SNTG2: variants seen among roughly 807,000 people sequenced by gnomAD.
The protein encoded by SNTG2 is gamma-2-syntrophin.
SNTG2 carries 74 observed loss-of-function variants against 70.9 expected under a neutral mutation model. That is an observed-to-expected ratio of 1.04 (90% CI 0.86 to 1.27). SNTG2 has a LOEUF of 1.27. Among genes scored for constraint, SNTG2 ranks in the 50% most tolerant of loss-of-function variants. SNTG2 has a pLI of 0.00. For missense variants in SNTG2, 717 were observed against 690.7 expected, an observed-to-expected ratio of 1.04 and a Z score of -0.43; for synonymous variants, 278 against 273.8, an observed-to-expected ratio of 1.02 and a Z score of -0.15.
chr2:1,000,971 A>G (rs1453527766), intron 1 of SNTG2, among the ~76,000 whole-genome samples: 2 of 152,046 alleles, frequency 1.3e-5, no homozygotes, highest in Admixed American at 6.6e-5. Context: ...GGTATATGCA[A>G]ATCAACAAAT....
chr2:1,276,212 A>G (rs1679257468), intron 14 of SNTG2, among the ~76,000 whole-genome samples: 1 of 152,242 alleles, frequency 6.6e-6, no homozygotes, highest in Non-Finnish European at 1.5e-5. Context: ...AGGAGGCTAC[A>G]CTAAACAATA....
chr2:1,281,067 T>C (rs1679489513), intron 14 of SNTG2, among the ~76,000 whole-genome samples: 1 of 152,128 alleles, frequency 6.6e-6, no homozygotes, highest in Non-Finnish European at 1.5e-5. Context: ...TCAAGTGTCT[T>C]AGGGGTGAGT....
intron 7 of SNTG2, among the ~76,000 whole-genome samples, chr2:1,171,274 G>A (rs28719590): frequency 0.32 from 48,363 of 151,974 alleles, 8,270 homozygotes; most frequent in East Asian, 0.66. Context: ...GAGTGGAAGC[G>A]TGACTGTCAA....
At chr2:1,198,446 AG>A (rs1158696315) in intron 8 of SNTG2, among the ~76,000 whole-genome samples, 1 of 152,024 alleles carries the variant, frequency 6.6e-6, no homozygotes, top group African/African-American at 2.4e-5. Context: ...ATAACAAATA[AG>A]AGACACACAT....
chr2:1,092,463 G>T (rs1356266249), intron 2 of SNTG2, among the ~76,000 whole-genome samples: 1 of 152,218 alleles, frequency 6.6e-6, no homozygotes, highest in East Asian at 1.9e-4. Context: ...AAACCTGGGG[G>T]CAGGGTCCTG....
At chr2:1,164,387 G>T (rs1371100953) in intron 6 of SNTG2, among the ~76,000 whole-genome samples, 7 of 111,980 alleles carry the variant, frequency 6.3e-5, no homozygotes. Context: ...TAGAGGAGAG[G>T]GCGAGGTGGG....
rs139009143 is a variant in SNTG2 at position 1,209,058 on chromosome 2, C to A, written c.592-45C>A. The A allele has an allele frequency of 1.8e-4, 286 of 1,602,930 alleles. 4 individuals carry two copies. In the East Asian group the frequency reaches 6.4e-3, roughly 36 times the overall value. ...TGCAGATGCCTCTCCCCGCATGCAG[C>A]CTCCTCTGCCTCTGTGACGCTTCAT... On this transcript the variant is annotated intron_variant, in intron 8 of 16. Coordinates refer to ENST00000308624, the MANE Select transcript of SNTG2 (RefSeq NM_018968.4).
At chr2:983,926 C>T (rs986673632) in intron 1 of SNTG2, among the ~76,000 whole-genome samples, 1 of 152,198 alleles carries the variant, frequency 6.6e-6, no homozygotes, top group East Asian at 1.9e-4. Context: ...TCGGGCTCCA[C>T]ACAGCATGGC....
At chr2:1,169,669 G>A (rs1369239969) in intron 7 of SNTG2, among the ~76,000 whole-genome samples, 1 of 152,170 alleles carries the variant, frequency 6.6e-6, no homozygotes, top group African/African-American at 2.4e-5. Context: ...AGGCTCCGGG[G>A]TCCATTGCCA....
chr2:1,124,524 T>C (rs1206078181), intron 4 of SNTG2, among the ~76,000 whole-genome samples: 1 of 151,946 alleles, frequency 6.6e-6, no homozygotes, highest in Non-Finnish European at 1.5e-5. Flanking sequence ...TCTCGATCTC[T>C]TGACCTCATG....
At chr2:1,361,721 GATGCTGAGCATTTCAGTAGAACTTCCA>G (rs879271930) in intron 16 of SNTG2, among the ~76,000 whole-genome samples, 49,585 of 132,586 alleles carry the variant, frequency 0.37, 4,550 homozygotes, top group East Asian at 0.46. Context: ...GAAGGTCACC[GATGCTGAGCATTTCAGTAGAACTTCCA>G]TGAAGGTCAC....
At chr2:1,060,578 T>A (rs1662755309) in intron 1 of SNTG2, among the ~76,000 whole-genome samples, 2 of 152,194 alleles carry the variant, frequency 1.3e-5, no homozygotes, top group South Asian at 4.1e-4. Flanking sequence ...ATAAGGTTCA[T>A]CTGGAAGAGT....
At chr2:973,144 A>C (rs1660797638) in intron 1 of SNTG2, among the ~76,000 whole-genome samples, 1 of 152,200 alleles carries the variant, frequency 6.6e-6, no homozygotes, top group South Asian at 2.1e-4. Context: ...TCTTTTTGAT[A>C]TACTGTCCTT....
intron 8 of SNTG2, among the ~76,000 whole-genome samples, chr2:1,192,333 C>G (rs1216484986): frequency 2.0e-5 from 3 of 152,174 alleles, no homozygotes; most frequent in Non-Finnish European, 4.4e-5. Context: ...ATTAGGGACC[C>G]TTGTGTCTTC....
chr2:1,058,722 G>A (rs1011894099), intron 1 of SNTG2, among the ~76,000 whole-genome samples: 1 of 152,210 alleles, frequency 6.6e-6, no homozygotes, highest in African/African-American at 2.4e-5. Context: ...GAAGTGACCA[G>A]CCTGTCTTTG....
chr2:1,018,902 C>T (rs1251509944), intron 1 of SNTG2, among the ~76,000 whole-genome samples: 1 of 152,164 alleles, frequency 6.6e-6, no homozygotes, highest in Non-Finnish European at 1.5e-5. Context: ...GCTGCTGGGC[C>T]TGGGATGCTG....
chr2:1,081,971 C>T (rs1289090748), intron 1 of SNTG2, among the ~76,000 whole-genome samples: 1 of 152,232 alleles, frequency 6.6e-6, no homozygotes, highest in Non-Finnish European at 1.5e-5. Flanking sequence ...AGATGCAATG[C>T]AGTGGGGCAC....
chr2:1,028,665 C>G (rs1271123124), intron 1 of SNTG2, among the ~76,000 whole-genome samples: 1 of 151,912 alleles, frequency 6.6e-6, no homozygotes, highest in African/African-American at 2.4e-5. Context: ...CTGGGTCTTA[C>G]AACACTGAGT....
intron 14 of SNTG2, among the ~76,000 whole-genome samples, chr2:1,303,518 G>A (rs887498030): frequency 2.6e-5 from 4 of 152,192 alleles, no homozygotes; most frequent in Non-Finnish European, 5.9e-5. Flanking sequence ...GGCATTAACA[G>A]CATGCATTCA....
Sources: allele counts gnomAD v4.1 joint callset (sites outside exome capture counted in the v4.1 genomes callset), GRCh38; gene constraint gnomAD v4.1.1; transcripts MANE v1.5; gene names NCBI Gene and HGNC (gene_info 2026-07-23, HGNC 2026-07-21).